Variants in IL27RA observed in about 807,000 individuals in gnomAD.
IL27RA encodes the protein interleukin 27 receptor subunit alpha.
A neutral mutation model predicts 80.8 loss-of-function variants in IL27RA; 61 were observed. That is an observed-to-expected ratio of 0.76 (90% CI 0.61 to 0.93). IL27RA has a LOEUF of 0.93. Among genes scored for constraint, IL27RA ranks in the 40% least tolerant of loss-of-function variants. The pLI, the probability that IL27RA is intolerant of heterozygous loss-of-function variation, is 0.00. For synonymous variants in IL27RA, 316 were observed against 332.5 expected, an observed-to-expected ratio of 0.95 and a Z score of 0.54; for missense variants, 735 against 808.1, an observed-to-expected ratio of 0.91 and a Z score of 1.10.
In IL27RA at chr19:14,031,886, G is replaced by A. The variant is rs768245445; in HGVS notation, c.14G>A (p.Arg5Lys). 6.2e-7 allele frequency: 1 copy of A among 1,601,882 alleles called. No individual in the cohort carries two copies. The highest frequency in any genetic ancestry group is 1.7e-5 in the Admixed American group (1 of 58,638). ...CCGAGGGACGCCATGCGGGGAGGCA[G>A]GGGCGCCCCTTTCTGGCTGTGGCCG... is the stretch of plus-strand genomic sequence containing the variant. MRGG[R>K]GAPFWLWPLP... Residue 5 changes from arginine to lysine, a missense_variant, in exon 1 of 14, where the codon AGG (arginine) becomes AAG (lysine). Arg to Lys is a conservative substitution (Grantham distance 26, BLOSUM62 2). Coordinates refer to ENST00000263379, the MANE Select transcript of IL27RA (RefSeq NM_004843.4).
intron 4 of IL27RA, among the ~76,000 whole-genome samples, chr19:14,041,799 G>A (rs762930707): frequency 2.8e-4 from 43 of 152,080 alleles, no homozygotes; most frequent in Non-Finnish European, 5.3e-4. Flanking sequence ...CCAGCTAGGC[G>A]CAGTAGCTCT....
intron 2 of IL27RA, 83 bp from the exon 3 acceptor site, chr19:14,039,425 G>A: frequency 2.0e-6 from 3 of 1,482,076 alleles, no homozygotes; most frequent in Non-Finnish European, 1.8e-6. Context: ...GCAGGCTGCA[G>A]CCACTCTGTT....
rs1599305499 is a variant in IL27RA at position 14,052,531 on chromosome 19, A to G, written c.*241A>G. 2.4e-6 allele frequency: 1 copy of G among 418,952 alleles called. No homozygotes were observed. The highest frequency in any genetic ancestry group is 4.2e-6 in the Non-Finnish European group (1 of 237,622). 26.0% of individuals were successfully genotyped at this position (418,952 alleles called of 1,614,324 possible). A position where few individuals can be genotyped will look rare whatever the true frequency, so the allele number is the denominator to read the frequency against. ...GAGCAAAGGAAAATACATGAAATTGAGAGTGGCAGCTGCCTGCCAAAATCT... is the reference window on the plus strand; with the variant it reads ...GAGCAAAGGAAAATACATGAAATTGGGAGTGGCAGCTGCCTGCCAAAATCT... On this transcript the variant is annotated 3_prime_UTR_variant, in exon 14 of 14. Transcript: ENST00000263379.
Position 14,052,372 on chromosome 19 carries a change from TGATG to T in IL27RA, c.*87_*90del. The T allele has an allele frequency of 3.5e-6, 4 of 1,139,254 alleles. No homozygotes were observed. The South Asian group carries it at 5.0e-5, about 14-fold the overall frequency. 70.6% of individuals were successfully genotyped at this position (1,139,254 alleles called of 1,614,324 possible). ...CACCCCAGTCCTGGATTAGCCCTCT[TGATG>T]GATGAAGACACTGAGGACTCAGAGA... On this transcript the variant is annotated 3_prime_UTR_variant, in exon 14 of 14. Coordinates refer to ENST00000263379, the MANE Select transcript of IL27RA (RefSeq NM_004843.4).
intron 2 of IL27RA, among the ~76,000 whole-genome samples, chr19:14,036,907 C>G (rs1191002136): frequency 6.6e-6 from 1 of 151,928 alleles, no homozygotes; most frequent in African/African-American, 2.4e-5. Context: ...GTGATCTCAG[C>G]TCACTGCAAC....
intron 2 of IL27RA, among the ~76,000 whole-genome samples, chr19:14,039,282 A>T (rs1568500140): frequency 6.6e-6 from 1 of 151,810 alleles, no homozygotes; most frequent in Non-Finnish European, 1.5e-5. Context: ...CTTAAAAAAA[A>T]AAAAGAAAAA....
At chr19:14,046,874 G>A (rs1052458957) in intron 8 of IL27RA, among the ~76,000 whole-genome samples, 1 of 151,860 alleles carries the variant, frequency 6.6e-6, no homozygotes. Flanking sequence ...GCACATGCCT[G>A]TAGTCCCAGC....
intron 8 of IL27RA, among the ~76,000 whole-genome samples, chr19:14,047,657 CTTTTTTT>C: frequency 9.2e-6 from 1 of 108,184 alleles, no homozygotes; most frequent in African/African-American, 3.9e-5. Context: ...ATGCCTGGCC[CTTTTTTT>C]TTTTTTTTTT....
At chr19:14,039,366 A>C in intron 2 of IL27RA, 142 bp from the exon 3 acceptor site, 1 of 827,030 alleles carries the variant, frequency 1.2e-6, no homozygotes, top group South Asian at 2.0e-5. Context: ...CACTTACTCA[A>C]GGTCACACAG....
At chr19:14,046,090 G>A (rs994511163) in intron 6 of IL27RA, 64 bp from the exon 7 acceptor site, 2 of 1,479,954 alleles carry the variant, frequency 1.4e-6, no homozygotes, top group African/African-American at 2.8e-5. Flanking sequence ...GGTGACCTCA[G>A]GGAGACACAT....
intron 2 of IL27RA, among the ~76,000 whole-genome samples, chr19:14,038,634 C>T (rs897144006): frequency 1.3e-5 from 2 of 151,038 alleles, no homozygotes; most frequent in Admixed American, 1.3e-4. Context: ...CCTGTAATTC[C>T]AGTACTTTGG....
At chr19:14,047,961 ATT>A (rs74427021) in intron 8 of IL27RA, among the ~76,000 whole-genome samples, 2 of 129,262 alleles carry the variant, frequency 1.5e-5, no homozygotes, top group African/African-American at 2.9e-5. Context: ...CGCACCCGGC[ATT>A]TTTTTTTTTT....
chr19:14,039,609 G>T lies in IL27RA; in HGVS notation c.320G>T (p.Gly107Val). The T allele has an allele frequency of 1.2e-6, 2 of 1,614,148 alleles. No homozygotes were observed. The highest frequency in any genetic ancestry group is 2.2e-5 in the South Asian group (2 of 91,078). Residue 107 changes from glycine (G) to valine (V), a missense_variant, in exon 3 of 14, where the codon GGC (glycine) becomes GTC (valine). Transcript: ENST00000263379. ...ATGTCTGACAAACTCCTTGTCTGGG[G>T]CACTAAGGCAGGCCAGCCTCTCTGG... is the stretch of plus-strand genomic sequence containing the variant. ...LTMSDKLLVW[G>V]TKAGQPLWPP...
chr19:14,046,539 C>T lies in IL27RA; in HGVS notation c.1062C>T (p.Asp354=). Residue 354 remains aspartate (D), a synonymous_variant, in exon 8 of 14, where the codon GAC becomes GAT. Coordinates refer to ENST00000263379, the MANE Select transcript of IL27RA (RefSeq NM_004843.4). Reference sequence around the variant, plus strand: ...GGGAACCACTGGAGCATGTAGTGGACTGGGCTCGAGATGGGGACCCCCTGG... The same window carrying T: ...GGGAACCACTGGAGCATGTAGTGGATTGGGCTCGAGATGGGGACCCCCTGG... ...GPGEPLEHVV[D]WARDGDPLEK... is the part of the protein sequence containing the mutation. The T allele has an allele frequency of 6.2e-7, 1 of 1,614,100 alleles. No individual in the cohort carries two copies. The highest frequency in any genetic ancestry group is 1.3e-5 in the African/African-American group (1 of 75,026).
chr19:14,033,675 T>A (rs943174261), intron 2 of IL27RA, among the ~76,000 whole-genome samples: 10 of 111,916 alleles, frequency 8.9e-5, no homozygotes, highest in Admixed American at 2.4e-4. Context: ...AAAAAAATTT[T>A]AAAAAATAAA....
intron 10 of IL27RA, 27 bp from the exon 11 acceptor site, chr19:14,050,731 C>T: frequency 6.3e-7 from 1 of 1,596,296 alleles, no homozygotes; most frequent in Non-Finnish European, 8.6e-7. Flanking sequence ...TGACCACCTC[C>T]CCAACTTCTT....
chr19:14,032,393 C>T lies in IL27RA; in HGVS notation c.108C>T (p.Ala36=), dbSNP rs1975832284. ...LFQRTRPQGS[A]GPLQCYGVGP... ...CTCTGACTCCCTCTCCAGGCAGCGC[C>T]GGGCCACTGCAGTGCTACGGAGTTG... Residue 36 remains alanine (A), a synonymous_variant, in exon 2 of 14, where the codon GCC becomes GCT. Transcript: ENST00000263379. 6.2e-7 allele frequency: 1 copy of T among 1,613,102 alleles called. No individual in the cohort carries two copies.
Position 14,046,219 on chromosome 19 carries a change from TCCAGAAGGAATTA to T in IL27RA, c.837_849del (p.Glu280AlafsTer5). The T allele has an allele frequency of 6.2e-7, 1 of 1,614,024 alleles. No homozygotes were observed. ...TCTGGGTTGGAGGTCGTGAGCTGAGTCCAGAAGGAATTACCTGCTGCTGCTCCCTAATTCCCAG... is the reference window on the plus strand; with the variant it reads ...TCTGGGTTGGAGGTCGTGAGCTGAGTCCTGCTGCTGCTCCCTAATTCCCAG... On this transcript the variant is annotated frameshift_variant, in exon 7 of 14. Coordinates refer to ENST00000263379, the MANE Select transcript of IL27RA (RefSeq NM_004843.4). LOFTEE classifies it high-confidence loss of function.
At chr19:14,051,116 A>G (rs1348720192) in intron 11 of IL27RA, among the ~76,000 whole-genome samples, 1 of 152,008 alleles carries the variant, frequency 6.6e-6, no homozygotes, top group Non-Finnish European at 1.5e-5. Flanking sequence ...TGGATGTGGT[A>G]GCATGCGCCT....
Sources: allele counts gnomAD v4.1 joint callset (sites outside exome capture counted in the v4.1 genomes callset), GRCh38; gene constraint gnomAD v4.1.1; transcripts MANE v1.5; gene names NCBI Gene and HGNC (gene_info 2026-07-23, HGNC 2026-07-21).